The following CEACAM6 variants were observed in gnomAD, a reference collection of about 807,000 sequenced individuals.
The protein encoded by CEACAM6 is cell adhesion molecule CEACAM6.
CEACAM6 carries 21 observed loss-of-function variants against 32.4 expected under a neutral mutation model. The observed-to-expected ratio is 0.65, with a 90% CI of 0.46 to 0.93. The LOEUF (loss-of-function observed/expected upper bound fraction) is 0.93, where lower values mean the gene tolerates loss of function less well. CEACAM6 is among the 40% of genes least tolerant of loss of function. CEACAM6 has a pLI of 0.00. For missense variants in CEACAM6, 406 were observed against 432.2 expected (o/e 0.94, Z 0.54); for synonymous variants, 184 against 174.4 (o/e 1.06, Z -0.43).
intron 5 of CEACAM6, among the ~76,000 whole-genome samples, chr19:41,768,097 T>A (rs1568728472): frequency 6.6e-6 from 1 of 152,128 alleles, no homozygotes; most frequent in Admixed American, 6.5e-5. Flanking sequence ...ATTTTTATTT[T>A]TTTTTATTGA....
rs1158293587 is a variant in CEACAM6, at chr19:41,770,255, CAAAAAAA to C, written c.*41-532_*41-526del. On this transcript the variant is annotated intron_variant, in intron 5 of 5. Transcript: ENST00000199764. ...CAAAACCTCGTCTCTGCTAAAAATACAAAAAAAAAAAAAAAAAAAAAGCTAGGTGTGG... is the reference window on the plus strand; with the variant it reads ...CAAAACCTCGTCTCTGCTAAAAATACAAAAAAAAAAAAAAGCTAGGTGTGG... Among the ~76,000 whole-genome samples the C allele has an allele frequency of 5.7e-4, 23 of 40,524 alleles. No individual in the cohort carries two copies. In the East Asian group the frequency reaches 0.017, roughly 30 times the overall value. The allele number at this position is 40,524 out of a possible 152,430, so 26.6% of individuals were successfully genotyped here.
At chr19:41,769,970 G>T (rs1555822827) in intron 5 of CEACAM6, among the ~76,000 whole-genome samples, 1 of 151,036 alleles carries the variant, frequency 6.6e-6, no homozygotes, top group Admixed American at 6.6e-5. Context: ...GCTTTGATTG[G>T]GATGTTATAT....
rs1347851040 is a variant in CEACAM6, at chr19:41,771,627, T to C, written c.*866T>C. On this transcript the variant is annotated 3_prime_UTR_variant, in exon 6 of 6. Coordinates refer to ENST00000199764, the MANE Select transcript of CEACAM6 (RefSeq NM_002483.7). Reference sequence around the variant, plus strand: ...GGTATTACCCTCCTAATAGTCATACTAGTAGTCATACTCCCTGGTGTAGTG... The same window carrying C: ...GGTATTACCCTCCTAATAGTCATACCAGTAGTCATACTCCCTGGTGTAGTG... 1.3e-5 allele frequency: 2 copies of C among 152,240 alleles called. No homozygotes were observed. The highest frequency in any genetic ancestry group is 2.9e-5 in the Non-Finnish European group (2 of 68,038). The allele number at this position is 152,240 out of a possible 1,614,324, so 9.4% of individuals were successfully genotyped here. A position where few individuals can be genotyped will look rare whatever the true frequency, so the allele number is the denominator to read the frequency against.
intron 1 of CEACAM6, 78 bp from the exon 2 acceptor site, chr19:41,756,522 G>T: frequency 3.2e-6 from 5 of 1,548,994 alleles, no homozygotes; most frequent in Non-Finnish European, 4.4e-6. Flanking sequence ...GAAGAGACCT[G>T]CTCAGGACCC....
At chr19:41,770,698 A>C (rs182715922) in intron 5 of CEACAM6, 104 bp from the exon 6 acceptor site, 1 of 152,334 alleles carries the variant, frequency 6.6e-6, no homozygotes, top group South Asian at 2.1e-4. Flanking sequence ...GGTAGAAATA[A>C]AGATGCCTAT....
intron 2 of CEACAM6, among the ~76,000 whole-genome samples, chr19:41,760,436 C>T (rs1555821682): frequency 6.6e-6 from 1 of 152,240 alleles, no homozygotes; most frequent in Admixed American, 6.5e-5. Context: ...CATTTGCAAA[C>T]ATCCACATGT....
chr19:41,757,434 G>A (rs1555821302), intron 2 of CEACAM6, among the ~76,000 whole-genome samples: 1 of 152,118 alleles, frequency 6.6e-6, no homozygotes, highest in Non-Finnish European at 1.5e-5. Context: ...TCTTGGGCAG[G>A]GCTGGCTGGG....
chr19:41,767,590 A>G (rs1416561395), intron 5 of CEACAM6, among the ~76,000 whole-genome samples: 2 of 152,232 alleles, frequency 1.3e-5, no homozygotes, highest in Non-Finnish European at 2.9e-5. Context: ...TCAAGCCCCA[A>G]CCATAAATTC....
rs555130153 is a variant in CEACAM6, at chr19:41,770,794, A to G, written c.*41-8A>G. On this transcript the variant is annotated splice_polypyrimidine_tract_variant and splice_region_variant and intron_variant, in intron 5 of 5. Coordinates refer to ENST00000199764, the MANE Select transcript of CEACAM6 (RefSeq NM_002483.7). ...TTATTGTTTTTTATTTTCATTATCC[A>G]CCTATAGATTGGACCAGACCCTGAA... 2 of 152,490 alleles carry G rather than the reference A, an allele frequency of 1.3e-5. No homozygotes were observed. Among genetic ancestry groups the G allele is most frequent in the Non-Finnish European group, 2.9e-5 (2 of 68,242 alleles). 9.4% of individuals were successfully genotyped at this position (152,490 alleles called of 1,614,324 possible). A position where few individuals can be genotyped will look rare whatever the true frequency, so the allele number is the denominator to read the frequency against.
intron 5 of CEACAM6, among the ~76,000 whole-genome samples, chr19:41,770,078 A>G (rs191342465): frequency 7.9e-5 from 12 of 151,592 alleles, no homozygotes; most frequent in African/African-American, 2.9e-4. Flanking sequence ...TAAAAGTTTA[A>G]TCTGAGATTC....
chr19:41,764,800 C>G (rs1422981948), intron 4 of CEACAM6, among the ~76,000 whole-genome samples: 2 of 151,962 alleles, frequency 1.3e-5, no homozygotes, highest in Admixed American at 6.6e-5. Context: ...TGTTCTTTTT[C>G]TATATCCTGA....
Position 41,756,845 on chromosome 19 carries a change from A to G in CEACAM6, c.310A>G (p.Asn104Asp), listed in dbSNP as rs782189983. ...CAGTGGTCGAGAGACAATATACCCC[A>G]ATGCATCCCTGCTGATCCAGAACGT... ...AYSGRETIYPNASLLIQNVTQ... is the reference protein window; with the variant it reads ...AYSGRETIYPDASLLIQNVTQ... Residue 104 changes from asparagine (N) to aspartate (D), a missense_variant, in exon 2 of 6, where the codon AAT becomes GAT. Coordinates refer to ENST00000199764, the MANE Select transcript of CEACAM6 (RefSeq NM_002483.7). 57 of 1,614,082 alleles carry G rather than the reference A, an allele frequency of 3.5e-5. No homozygotes were observed. The highest frequency in any genetic ancestry group is 4.7e-5 in the Non-Finnish European group (55 of 1,179,996).
chr19:41,761,827 T>C (rs1341687471), intron 3 of CEACAM6, 142 bp from the exon 4 acceptor site: 7 of 1,112,150 alleles, frequency 6.3e-6, no homozygotes, highest in Non-Finnish European at 9.1e-6. Context: ...TCTCAGACTT[T>C]GGCTCAGGGG....
rs1057160435 is a variant in CEACAM6, at chr19:41,756,942, G to A, written c.407G>A (p.Gly136Glu). 6.2e-6 allele frequency: 10 copies of A among 1,610,294 alleles called. No homozygotes were observed. In the African/African-American group the frequency reaches 6.7e-5, roughly 11 times the overall value. The change falls in exon 2 of 6, where the codon GGA becomes GAA. Residue 136 changes from glycine (G) to glutamate (E), a missense_variant. Gly to Glu is a moderately conservative substitution (Grantham distance 98, BLOSUM62 -2). Coordinates refer to ENST00000199764, the MANE Select transcript of CEACAM6 (RefSeq NM_002483.7). ...KSDLVNEEATGQFHVYPELPK... is the reference protein window; with the variant it reads ...KSDLVNEEATEQFHVYPELPK... ...GATCTTGTGAATGAAGAAGCAACCGGACAGTTCCATGTATACCGTGAGTAT... is the reference window on the plus strand; with the variant it reads ...GATCTTGTGAATGAAGAAGCAACCGAACAGTTCCATGTATACCGTGAGTAT...
rs112898809 is a variant in CEACAM6 at position 41,757,396 on chromosome 19, G to A, written c.424+437G>A. 2.6e-4 allele frequency among the ~76,000 whole-genome samples: 39 copies of A among 152,222 alleles called. 1 individual carries two copies. The highest frequency in any genetic ancestry group is 8.9e-4 in the African/African-American group (37 of 41,500). On this transcript the variant is annotated intron_variant, in intron 2 of 5. Coordinates refer to ENST00000199764, the MANE Select transcript of CEACAM6 (RefSeq NM_002483.7). Reference sequence around the variant, plus strand: ...GTTCCTGATTCCAGGTGATCCTGGGGAGTCTGTGCCAGGGCTGTGTGGTGG... The same window carrying A: ...GTTCCTGATTCCAGGTGATCCTGGGAAGTCTGTGCCAGGGCTGTGTGGTGG...
Position 41,764,374 on chromosome 19 carries a change from C to T in CEACAM6, c.959-1809C>T, listed in dbSNP as rs142493657. On this transcript the variant is annotated intron_variant, in intron 4 of 5. Coordinates refer to ENST00000199764, the MANE Select transcript of CEACAM6 (RefSeq NM_002483.7). ...GATCATAGCTTACTTGCAGGCTGAACCCCCTGGGCTCAAGTGATCCTCCTA... is the reference window on the plus strand; with the variant it reads ...GATCATAGCTTACTTGCAGGCTGAATCCCCTGGGCTCAAGTGATCCTCCTA... Among the ~76,000 whole-genome samples, 1,246 of 152,144 alleles carry T rather than the reference C, an allele frequency of 8.2e-3. 9 individuals carry two copies. The highest frequency in any genetic ancestry group is 0.013 in the Non-Finnish European group (880 of 68,002).
intron 2 of CEACAM6, among the ~76,000 whole-genome samples, chr19:41,758,739 C>T (rs1555821490): frequency 6.6e-6 from 1 of 152,188 alleles, no homozygotes; most frequent in African/African-American, 2.4e-5. Context: ...CAGCTTCCTC[C>T]ACCCTTAGGC....
chr19:41,762,527 A>G (rs1465095144), intron 4 of CEACAM6, among the ~76,000 whole-genome samples: 3 of 152,080 alleles, frequency 2.0e-5, no homozygotes, highest in Non-Finnish European at 4.4e-5. Flanking sequence ...AAAAAGGAGG[A>G]AGGGTCCTCA....
chr19:41,761,116 C>G, intron 2 of CEACAM6, 133 bp from the exon 3 acceptor site: 2 of 1,512,444 alleles, frequency 1.3e-6, no homozygotes, highest in Non-Finnish European at 8.9e-7. Flanking sequence ...TGTTGTGTGA[C>G]ACACACACCT....
Sources: gnomAD v4.1 joint callset for allele counts (sites outside exome capture counted in the v4.1 genomes callset) on GRCh38, gnomAD v4.1.1 for gene constraint, MANE v1.5 for transcripts, NCBI Gene and HGNC (gene_info 2026-07-23, HGNC 2026-07-21) for gene names.